The following FHIT variants were observed in gnomAD, a reference collection of about 807,000 sequenced individuals.
The protein encoded by FHIT is bis(5'-adenosyl)-triphosphatase.
Under a neutral mutation model 17.9 loss-of-function variants are expected in FHIT, and 19 were observed. The ratio of observed to expected loss-of-function variants is 1.06; its 90% CI spans 0.74 to 1.56. The LOEUF (loss-of-function observed/expected upper bound fraction) is 1.56, where lower values mean the gene tolerates loss of function less well. Ranked by LOEUF, FHIT falls within the 40% of genes most tolerant of loss-of-function variation. The pLI is 0.00. For missense variants in FHIT, 248 were observed against 189.2 expected (o/e 1.31, Z -1.82); for synonymous variants, 81 against 69.7 (o/e 1.16, Z -0.81).
At chr3:59,782,088 A>C (rs909923608) in intron 8 of FHIT, among the ~76,000 whole-genome samples, 1 of 152,186 alleles carries the variant, frequency 6.6e-6, no homozygotes. Flanking sequence ...AGACCTTTGA[A>C]GTTGACTTGT....
chr3:60,363,510 T>C (rs1699985954), intron 5 of FHIT, among the ~76,000 whole-genome samples: 1 of 152,194 alleles, frequency 6.6e-6, no homozygotes, highest in South Asian at 2.1e-4. Flanking sequence ...CTCTGACTTG[T>C]ATACTGCCGC....
At chr3:60,795,357 G>C (rs140583344) in intron 4 of FHIT, among the ~76,000 whole-genome samples, 3 of 152,116 alleles carry the variant, frequency 2.0e-5, no homozygotes, top group African/African-American at 2.4e-5. Context: ...TGTTATTAAA[G>C]TTCTCTTTCC....
chr3:59,881,774 G>C (rs1222614336), intron 8 of FHIT, among the ~76,000 whole-genome samples: 3 of 152,118 alleles, frequency 2.0e-5, no homozygotes, highest in Non-Finnish European at 4.4e-5. Context: ...TCTTTGCCTG[G>C]TTATGGTCTA....
chr3:59,763,259 G>A (rs1300209600), intron 8 of FHIT, among the ~76,000 whole-genome samples: 1 of 152,200 alleles, frequency 6.6e-6, no homozygotes, highest in Non-Finnish European at 1.5e-5. Flanking sequence ...CGGAAGCACA[G>A]TGTAGGCAAG....
intron 2 of FHIT, among the ~76,000 whole-genome samples, chr3:61,140,674 CCTTAT>C (rs1307845049): frequency 6.6e-6 from 1 of 152,156 alleles, no homozygotes; most frequent in East Asian, 1.9e-4. Context: ...TGGCCTCTTT[CCTTAT>C]ATCTAGAAGA....
intron 8 of FHIT, among the ~76,000 whole-genome samples, chr3:59,853,765 G>T (rs949837297): frequency 4.6e-5 from 7 of 152,216 alleles, no homozygotes; most frequent in Admixed American, 1.3e-4. Flanking sequence ...TCCATCTCAT[G>T]CCATGTTGGA....
At chr3:59,861,026 A>G (rs677703) in intron 8 of FHIT, among the ~76,000 whole-genome samples, 15,632 of 152,096 alleles carry the variant, frequency 0.1, 789 homozygotes, top group African/African-American at 0.11. Context: ...TCTGATGGAC[A>G]AAGCTCTGTG....
intron 5 of FHIT, among the ~76,000 whole-genome samples, chr3:60,048,199 CAG>C (rs1701729417): frequency 6.6e-6 from 1 of 152,122 alleles, no homozygotes; most frequent in South Asian, 2.1e-4. Context: ...TCTTTTGAGA[CAG>C]AGTCTCACTC....
At chr3:59,869,541 G>A (rs994583705) in intron 8 of FHIT, among the ~76,000 whole-genome samples, 1 of 142,456 alleles carries the variant, frequency 7.0e-6, no homozygotes, top group Non-Finnish European at 1.5e-5. Context: ...GAGTGCAGTG[G>A]AGCGATCTCG....
At chr3:60,267,410 G>A (rs535280595) in intron 5 of FHIT, among the ~76,000 whole-genome samples, 2 of 151,978 alleles carry the variant, frequency 1.3e-5, no homozygotes, top group Non-Finnish European at 2.9e-5. Context: ...GAAAAATTAT[G>A]CTATTATAAG....
chr3:60,554,659 A>G (rs183865992), intron 4 of FHIT, among the ~76,000 whole-genome samples: 1 of 152,230 alleles, frequency 6.6e-6, no homozygotes, highest in Admixed American at 6.5e-5. Flanking sequence ...TTTTACTTTA[A>G]CACTTCTCAC....
At chr3:60,018,032 C>T (rs535381970) in intron 5 of FHIT, among the ~76,000 whole-genome samples, 6 of 152,272 alleles carry the variant, frequency 3.9e-5, no homozygotes, top group African/African-American at 1.2e-4. Flanking sequence ...GAAGCTGGGT[C>T]GTTTACAAAG....
intron 2 of FHIT, among the ~76,000 whole-genome samples, chr3:61,096,327 A>C (rs2035638395): frequency 6.6e-6 from 1 of 152,204 alleles, no homozygotes; most frequent in Admixed American, 6.5e-5. Context: ...CACCAACAAA[A>C]GTTATTCCTA....
At chr3:60,353,075 T>C (rs1699488897) in intron 5 of FHIT, among the ~76,000 whole-genome samples, 2 of 152,214 alleles carry the variant, frequency 1.3e-5, no homozygotes, top group Admixed American at 1.3e-4. Flanking sequence ...TTTAACAAGA[T>C]AAATTTGAAA....
chr3:60,277,975 C>T (rs73835240), intron 5 of FHIT, among the ~76,000 whole-genome samples: 4,650 of 152,250 alleles, frequency 0.031, 210 homozygotes, highest in African/African-American at 0.1. Context: ...CAGCAGAGAA[C>T]TGAGGTCCAA....
intron 4 of FHIT, among the ~76,000 whole-genome samples, chr3:60,737,328 C>T (rs774049398): frequency 1.8e-4 from 27 of 152,216 alleles, no homozygotes; most frequent in Non-Finnish European, 3.5e-4. Context: ...GCATAAACTG[C>T]AGCTTCCAAA....
chr3:60,120,261 T>C (rs1228323519), intron 5 of FHIT, among the ~76,000 whole-genome samples: 2 of 152,180 alleles, frequency 1.3e-5, no homozygotes, highest in African/African-American at 4.8e-5. Context: ...GCCTTAATCA[T>C]TTCAGTTTCC....
chr3:60,260,050 G>C (rs1036123620), intron 5 of FHIT, among the ~76,000 whole-genome samples: 1 of 152,042 alleles, frequency 6.6e-6, no homozygotes, highest in Non-Finnish European at 1.5e-5. Flanking sequence ...ATAACCACAA[G>C]GTCAGAAAGG....
chr3:60,525,930 T>C (rs1236956413), intron 5 of FHIT, among the ~76,000 whole-genome samples: 4 of 151,942 alleles, frequency 2.6e-5, no homozygotes, highest in Non-Finnish European at 4.4e-5. Context: ...TGGTGAAACC[T>C]TGTCTCTACA....
Sources: gnomAD v4.1 joint callset for allele counts (sites outside exome capture counted in the v4.1 genomes callset) on GRCh38, gnomAD v4.1.1 for gene constraint, MANE v1.5 for transcripts, NCBI Gene and HGNC (gene_info 2026-07-23, HGNC 2026-07-21) for gene names.